The following TLN2 variants were observed in gnomAD, a reference collection of about 807,000 sequenced individuals.
TLN2 encodes talin-2.
Under a neutral mutation model 294.7 loss-of-function variants are expected in TLN2, and 118 were observed. The observed-to-expected ratio is 0.40, with a 90% CI of 0.34 to 0.47. TLN2 has a LOEUF of 0.47. Among genes scored for constraint, TLN2 ranks in the 20% least tolerant of loss-of-function variants. The probability of loss-of-function intolerance (pLI) is 0.84; values close to 1 mark genes in which losing one functional copy is unlikely to be tolerated. For synonymous variants in TLN2, 1,431 were observed against 1,304.5 expected (o/e 1.10, Z -2.09); for missense variants, 3,083 against 3,282.2 (o/e 0.94, Z 1.48).
At chr15:62,506,365 A>G (rs757803248) in intron 1 of TLN2, among the ~76,000 whole-genome samples, 6 of 152,238 alleles carry the variant, frequency 3.9e-5, no homozygotes, top group Non-Finnish European at 8.8e-5. Flanking sequence ...AGACTCTGCT[A>G]TGGTGCCTTC....
At chr15:62,625,548 G>C (rs979341334) in intron 3 of TLN2, among the ~76,000 whole-genome samples, 19 of 152,128 alleles carry the variant, frequency 1.2e-4, no homozygotes, top group African/African-American at 4.3e-4. Flanking sequence ...GTTAGAACAC[G>C]ATGCTGCTCC....
chr15:62,695,695 A>G (rs1348759624), intron 14 of TLN2, among the ~76,000 whole-genome samples: 2 of 152,134 alleles, frequency 1.3e-5, no homozygotes, highest in East Asian at 3.8e-4. Context: ...ATTTGTCCCC[A>G]CTAGTACGCA....
chr15:62,832,598 G>C (rs2068991311), intron 54 of TLN2: 1 of 152,240 alleles, frequency 6.6e-6, no homozygotes, highest in African/African-American at 2.4e-5. Context: ...CTAATGGTCT[G>C]ATAACACCTA....
At chr15:62,731,633 C>T (rs2060731564) in intron 28 of TLN2, among the ~76,000 whole-genome samples, 1 of 152,084 alleles carries the variant, frequency 6.6e-6, no homozygotes, top group South Asian at 2.1e-4. Context: ...CTTCCTAGCC[C>T]CATGAGATAT....
At chr15:62,839,045 A>AAAAG in intron 58 of TLN2, 64 bp downstream of exon 58, 1 of 1,568,424 alleles carries the variant, frequency 6.4e-7, no homozygotes, top group Admixed American at 1.8e-5. Context: ...TAACAGAGAC[A>AAAAG]AAAGAATAGT....
At chr15:62,407,562 A>G (rs1287546317) in intron 1 of TLN2, among the ~76,000 whole-genome samples, 1 of 152,054 alleles carries the variant, frequency 6.6e-6, no homozygotes, top group Non-Finnish European at 1.5e-5. Flanking sequence ...CATCACCACC[A>G]AGTTTTCATT....
At chr15:62,814,965 T>C (rs933347582) in intron 52 of TLN2, among the ~76,000 whole-genome samples, 7 of 152,088 alleles carry the variant, frequency 4.6e-5, no homozygotes, top group African/African-American at 1.7e-4. Context: ...AAAATGAGAA[T>C]GCCCAAGCCT....
intron 1 of TLN2, among the ~76,000 whole-genome samples, chr15:62,427,491 C>T (rs939095191): frequency 2.0e-5 from 3 of 151,982 alleles, no homozygotes; most frequent in Admixed American, 6.6e-5. Flanking sequence ...AGGAAGGCAA[C>T]GGGAGGAGGG....
intron 45 of TLN2, among the ~76,000 whole-genome samples, chr15:62,788,109 G>A (rs1478949115): frequency 2.7e-5 from 4 of 150,448 alleles, no homozygotes; most frequent in Admixed American, 6.6e-5. Flanking sequence ...CCAGGAGTTC[G>A]AGACCAGCCT....
intron 40 of TLN2, among the ~76,000 whole-genome samples, chr15:62,764,836 G>A (rs1296629101): frequency 2.6e-5 from 4 of 151,848 alleles, no homozygotes; most frequent in Non-Finnish European, 4.4e-5. Context: ...GCATGGTGGC[G>A]GGCGCCTGTA....
At chr15:62,491,349 T>TACACACACACAC (rs1446456385) in intron 1 of TLN2, among the ~76,000 whole-genome samples, 1 of 84,588 alleles carries the variant, frequency 1.2e-5, no homozygotes, top group Non-Finnish European at 2.3e-5. Flanking sequence ...TATATATATA[T>TACACACACACAC]ATACACACAC....
At chr15:62,507,853 T>C (rs754059554) in intron 1 of TLN2, among the ~76,000 whole-genome samples, 22 of 152,206 alleles carry the variant, frequency 1.4e-4, no homozygotes, top group African/African-American at 2.2e-4. Context: ...TATGGGACTC[T>C]AAGGAGTGAA....
Position 62,748,354 on chromosome 15 carries a change from T to C in TLN2, c.4029T>C (p.Ala1343=), listed in dbSNP as rs773020554. 6.2e-7 allele frequency: 1 copy of C among 1,609,032 alleles called. No individual in the cohort carries two copies. Among genetic ancestry groups the C allele is most frequent in the Non-Finnish European group, 8.5e-7 (1 of 1,178,074 alleles). The part of the protein sequence containing the change: ...AKNLLAAAAR[A]VTESINQLIT... ...AAAAATTCTGTTTCTGTCACAGAGC[T>C]GTGACAGAGAGCATCAATCAACTCA... Residue 1343 remains alanine (A), a synonymous_variant, in exon 33 of 59, where the codon GCT becomes GCC. Coordinates refer to ENST00000636159, the MANE Select transcript of TLN2 (RefSeq NM_015059.3).
chr15:62,708,775 T>A lies in TLN2; in HGVS notation c.2446T>A (p.Phe816Ile), dbSNP rs934171167. Residue 816 changes from phenylalanine (F) to isoleucine (I), a missense_variant, in exon 21 of 59, where the codon TTC becomes ATC. Physicochemically the swap from Phe to Ile is conservative, Grantham distance 21. Coordinates refer to ENST00000636159, the MANE Select transcript of TLN2 (RefSeq NM_015059.3). Reference sequence around the variant, plus strand: ...CATCATGTGTGTCACCGAGAGCATCTTCAGCTCCATGGGTGACGCTGGTAA... The same window carrying A: ...CATCATGTGTGTCACCGAGAGCATCATCAGCTCCATGGGTGACGCTGGTAA... ...DTIMCVTESI[F>I]SSMGDAGEMV... is the part of the protein sequence containing the mutation. The A allele has an allele frequency of 1.9e-6, 3 of 1,604,688 alleles. No homozygotes were observed. The highest frequency in any genetic ancestry group is 2.5e-6 in the Non-Finnish European group (3 of 1,179,630).
chr15:62,484,997 T>C (rs2038312235), intron 1 of TLN2, among the ~76,000 whole-genome samples: 2 of 152,278 alleles, frequency 1.3e-5, no homozygotes, highest in South Asian at 2.1e-4. Context: ...ATCCATCTCT[T>C]TTGTTTTTTT....
At chr15:62,401,740 T>C (rs1268121487) in intron 1 of TLN2, among the ~76,000 whole-genome samples, 1 of 152,210 alleles carries the variant, frequency 6.6e-6, no homozygotes, top group Non-Finnish European at 1.5e-5. Flanking sequence ...TTTTGGTGAC[T>C]TGAACATCTA....
At chr15:62,540,154 A>G (rs184263203) in intron 1 of TLN2, among the ~76,000 whole-genome samples, 1 of 152,194 alleles carries the variant, frequency 6.6e-6, no homozygotes, top group African/African-American at 2.4e-5. Context: ...AGCCTGGCCA[A>G]CATGGTGAAA....
chr15:62,600,413 AG>A (rs2046894357), intron 2 of TLN2, among the ~76,000 whole-genome samples: 1 of 152,214 alleles, frequency 6.6e-6, no homozygotes, highest in South Asian at 2.1e-4. Context: ...TCTCCCAGTG[AG>A]TCCAGCAAGT....
chr15:62,708,832 C>T (rs2059238435), intron 21 of TLN2, 36 bp downstream of exon 21: 1 of 1,568,258 alleles, frequency 6.4e-7, no homozygotes, highest in African/African-American at 1.3e-5. Context: ...GGATGGGTGG[C>T]TTTTGATGTT....
Sources: gnomAD v4.1 joint callset for allele counts (sites outside exome capture counted in the v4.1 genomes callset) on GRCh38, gnomAD v4.1.1 for gene constraint, MANE v1.5 for transcripts, NCBI Gene and HGNC (gene_info 2026-07-23, HGNC 2026-07-21) for gene names.